The following TCF7L1 variants were observed in gnomAD, a reference collection of about 807,000 sequenced individuals.
TCF7L1 encodes transcription factor 7 like 1, also known as transcription factor 7-like 1.
A neutral mutation model predicts 63.7 loss-of-function variants in TCF7L1; 18 were observed. The ratio of observed to expected loss-of-function variants is 0.28; its 90% confidence interval spans 0.20 to 0.42. TCF7L1 has a LOEUF of 0.42. Ranked by LOEUF, TCF7L1 falls within the 10% of genes least tolerant of loss-of-function variation. TCF7L1 has a pLI of 1.00. For synonymous variants in TCF7L1, 355 were observed against 340.9 expected (o/e 1.04, Z -0.46); for missense variants, 654 against 779.3 (o/e 0.84, Z 1.91).
At chr2:85,208,919 A>G (rs1679477888) in intron 3 of TCF7L1, among the ~76,000 whole-genome samples, 2 of 152,210 alleles carry the variant, frequency 1.3e-5, no homozygotes, top group South Asian at 2.1e-4. Context: ...TGGCAGGTTC[A>G]GCCTCATTTG....
rs560736909 is a variant in TCF7L1 at position 85,270,839 on chromosome 2, G to A, written c.442-12656G>A. Among the ~76,000 whole-genome samples the A allele has an allele frequency of 7.9e-5, 12 of 152,158 alleles. No individual in the cohort carries two copies. In the South Asian group the frequency reaches 1.7e-3, roughly 21 times the overall value. On this transcript the variant is annotated intron_variant, in intron 3 of 11. Coordinates refer to ENST00000282111, the MANE Select transcript of TCF7L1 (RefSeq NM_031283.3). ...CGGGTAGCTGGGACTACAAGCGTGCGCCACCACACCTGGCTAATTTTTTTT... is the reference window on the plus strand; with the variant it reads ...CGGGTAGCTGGGACTACAAGCGTGCACCACCACACCTGGCTAATTTTTTTT...
intron 3 of TCF7L1, among the ~76,000 whole-genome samples, chr2:85,219,247 C>T (rs1026527112): frequency 1.3e-5 from 2 of 152,178 alleles, no homozygotes; most frequent in Non-Finnish European, 2.9e-5. Flanking sequence ...AACAATGAGA[C>T]GGCAAAAGTT....
intron 3 of TCF7L1, among the ~76,000 whole-genome samples, chr2:85,224,770 C>T (rs1489715680): frequency 6.6e-6 from 1 of 152,162 alleles, no homozygotes; most frequent in Non-Finnish European, 1.5e-5. Context: ...TTTTGCTGTG[C>T]AGAAGCTCTT....
intron 3 of TCF7L1, among the ~76,000 whole-genome samples, chr2:85,281,900 GC>G (rs1489370586): frequency 6.6e-6 from 1 of 152,158 alleles, no homozygotes; most frequent in Non-Finnish European, 1.5e-5. Flanking sequence ...TCTTCCCATC[GC>G]CCTCCTGCTC....
In TCF7L1 at chr2:85,171,413, A is replaced by C. The variant is rs557632405; in HGVS notation, c.441+36963A>C. On this transcript the variant is annotated intron_variant, in intron 3 of 11. Transcript: ENST00000282111. ...CACCCCTGTAATTTCCGCTCCAGAT[A>C]GGACAGAACTGGGAATCCACAACAA... 2.0e-5 allele frequency among the ~76,000 whole-genome samples: 3 copies of C among 152,374 alleles called. No individual in the cohort carries two copies. The South Asian group carries it at 6.2e-4, about 32-fold the overall frequency.
intron 3 of TCF7L1, among the ~76,000 whole-genome samples, chr2:85,278,910 G>A (rs1267549810): frequency 6.6e-6 from 1 of 152,204 alleles, no homozygotes; most frequent in African/African-American, 2.4e-5. Flanking sequence ...CCCAGAAGTG[G>A]GAGCGATCGC....
At chr2:85,268,170 C>T (rs551469678) in intron 3 of TCF7L1, among the ~76,000 whole-genome samples, 1 of 152,360 alleles carries the variant, frequency 6.6e-6, no homozygotes, top group African/African-American at 2.4e-5. Context: ...TCCCCAGTGG[C>T]AGCGGACTTT....
At chr2:85,280,627 A>T in intron 3 of TCF7L1, among the ~76,000 whole-genome samples, 1 of 152,204 alleles carries the variant, frequency 6.6e-6, no homozygotes, top group East Asian at 1.9e-4. Context: ...GATTTGGGAT[A>T]CTTCTCTTTA....
At chr2:85,279,294 C>T (rs566074166) in intron 3 of TCF7L1, among the ~76,000 whole-genome samples, 120 of 152,342 alleles carry the variant, frequency 7.9e-4, no homozygotes, top group African/African-American at 2.8e-3. Context: ...CATGGTGGCT[C>T]ACACCTGTAA....
At chr2:85,172,085 T>C (rs1462434865) in intron 3 of TCF7L1, among the ~76,000 whole-genome samples, 1 of 152,120 alleles carries the variant, frequency 6.6e-6, no homozygotes, top group Non-Finnish European at 1.5e-5. Context: ...AATATGTCCT[T>C]GATGTTGCCA....
chr2:85,304,752 T>C (rs1682066424), intron 7 of TCF7L1, among the ~76,000 whole-genome samples: 1 of 152,246 alleles, frequency 6.6e-6, no homozygotes, highest in African/African-American at 2.4e-5. Context: ...AGGAGAGTAC[T>C]GAATTAATAT....
intron 4 of TCF7L1, among the ~76,000 whole-genome samples, chr2:85,296,158 A>G (rs1340177195): frequency 6.6e-6 from 1 of 152,216 alleles, no homozygotes; most frequent in Non-Finnish European, 1.5e-5. Flanking sequence ...TGTCCATGAT[A>G]GCCCATGTGT....
intron 3 of TCF7L1, among the ~76,000 whole-genome samples, chr2:85,176,582 C>T (rs557550573): frequency 6.6e-6 from 1 of 152,294 alleles, no homozygotes; most frequent in African/African-American, 2.4e-5. Flanking sequence ...TGGGCTATGA[C>T]CCCTCATCCT....
intron 3 of TCF7L1, among the ~76,000 whole-genome samples, chr2:85,251,170 T>A (rs1444815637): frequency 6.6e-6 from 1 of 152,236 alleles, no homozygotes; most frequent in African/African-American, 2.4e-5. Flanking sequence ...TGTTTTTTGC[T>A]GTAACTAATT....
chr2:85,134,925 C>G lies in TCF7L1; in HGVS notation c.441+475C>G, dbSNP rs933818488. On this transcript the variant is annotated intron_variant, in intron 3 of 11. Transcript: ENST00000282111. The surrounding 1 kb of genome is among the most constrained non-coding windows in gnomAD (Gnocchi z 5.0). Reference sequence around the variant, plus strand: ...TTCGTGGCGGGTTATTCACAGCCCCCGTTCCCACCCCCAGCCCTCGCACCG... The same window carrying G: ...TTCGTGGCGGGTTATTCACAGCCCCGGTTCCCACCCCCAGCCCTCGCACCG... 1.3e-5 allele frequency among the ~76,000 whole-genome samples: 2 copies of G among 152,188 alleles called. No individual in the cohort carries two copies. The highest frequency in any genetic ancestry group is 4.8e-5 in the African/African-American group (2 of 41,450).
In TCF7L1 at chr2:85,134,098, A is replaced by C; in HGVS notation, c.313+19A>C. 1 of 1,606,976 alleles carries C rather than the reference A, an allele frequency of 6.2e-7. No homozygotes were observed. The highest frequency in any genetic ancestry group is 8.5e-7 in the Non-Finnish European group (1 of 1,177,826). The stretch of plus-strand genomic sequence containing the variant: ...GCCGAAGGTATGTGCCCGCTGGGAC[A>C]GCCCCCCACTCTCGATTCCCGCTGC... On this transcript the variant is annotated intron_variant, in intron 2 of 11. Transcript: ENST00000282111. The surrounding 1 kb of genome is among the most constrained non-coding windows in gnomAD (Gnocchi z 5.0).
At chr2:85,169,287 A>T (rs941094398) in intron 3 of TCF7L1, among the ~76,000 whole-genome samples, 2 of 151,114 alleles carry the variant, frequency 1.3e-5, no homozygotes, top group African/African-American at 4.9e-5. Flanking sequence ...TCTACCCCCT[A>T]GCATGCTGGC....
chr2:85,305,220 T>A, intron 7 of TCF7L1, 40 bp from the exon 8 acceptor site: 3 of 1,614,102 alleles, frequency 1.9e-6, no homozygotes, highest in Non-Finnish European at 2.5e-6. Context: ...GTATCCAGCC[T>A]GAACCCCTCT....
intron 3 of TCF7L1, among the ~76,000 whole-genome samples, chr2:85,185,832 C>G (rs1678907683): frequency 6.6e-6 from 1 of 152,002 alleles, no homozygotes; most frequent in African/African-American, 2.4e-5. Flanking sequence ...TGCGGGTAGC[C>G]CCATGTTGGT....
Sources: gnomAD v4.1 joint callset for allele counts (sites outside exome capture counted in the v4.1 genomes callset) on GRCh38, gnomAD v4.1.1 for gene constraint, Gnocchi (gnomAD v3.1) non-coding constraint, MANE v1.5 for transcripts, NCBI Gene and HGNC (gene_info 2026-07-23, HGNC 2026-07-21) for gene names.